Variants in ARHGAP35 observed in about 807,000 individuals in gnomAD.
The protein encoded by ARHGAP35 is rho GTPase-activating protein 35.
Under a neutral mutation model 111.1 loss-of-function variants are expected in ARHGAP35, and 15 were observed. The observed-to-expected ratio is 0.13, with a 90% CI of 0.09 to 0.21. The LOEUF (loss-of-function observed/expected upper bound fraction) is 0.21. ARHGAP35 is among the 10% of genes least tolerant of loss of function. The probability of loss-of-function intolerance (pLI) is 1.00; values close to 1 mark genes in which losing one functional copy is unlikely to be tolerated. For missense variants in ARHGAP35, 1,262 were observed against 1,873.0 expected (o/e 0.67, Z 6.02); for synonymous variants, 643 against 710.3 (o/e 0.91, Z 1.51).
chr19:46,965,383 T>A (rs2056508339), intron 3 of ARHGAP35, among the ~76,000 whole-genome samples: 1 of 152,272 alleles, frequency 6.6e-6, no homozygotes, highest in Non-Finnish European at 1.5e-5. Context: ...TATACCAAAA[T>A]CATGTTTCCT....
chr19:46,885,851 C>CG (rs2055990911), intron 1 of ARHGAP35, among the ~76,000 whole-genome samples: 1 of 152,080 alleles, frequency 6.6e-6, no homozygotes. Context: ...AGGCTGGACT[C>CG]GAATTCCCAG....
At chr19:46,874,484 C>G (rs1440463027) in intron 1 of ARHGAP35, among the ~76,000 whole-genome samples, 1 of 147,624 alleles carries the variant, frequency 6.8e-6, no homozygotes, top group African/African-American at 2.5e-5. Context: ...GATCCAAGCT[C>G]ATGTTTTATG....
intron 2 of ARHGAP35, among the ~76,000 whole-genome samples, chr19:46,933,481 T>G (rs1394499496): frequency 6.6e-6 from 1 of 152,046 alleles, no homozygotes; most frequent in African/African-American, 2.4e-5. Flanking sequence ...AGTCATCCAT[T>G]TATTTATTCT....
intron 1 of ARHGAP35, among the ~76,000 whole-genome samples, chr19:46,889,750 C>CAAAAAA (rs5828291): frequency 5.0e-4 from 43 of 85,226 alleles, no homozygotes; most frequent in African/African-American, 2.0e-3. Context: ...GACTCCGTCT[C>CAAAAAA]AAAAAAAAAA....
intron 1 of ARHGAP35, among the ~76,000 whole-genome samples, chr19:46,875,423 A>T (rs904633700): frequency 1.3e-5 from 2 of 152,130 alleles, no homozygotes; most frequent in African/African-American, 4.8e-5. Flanking sequence ...GAATAAAAGT[A>T]TGAGTTTCTG....
intron 2 of ARHGAP35, among the ~76,000 whole-genome samples, chr19:46,928,652 C>T (rs1197725194): frequency 2.6e-5 from 4 of 152,042 alleles, no homozygotes; most frequent in Admixed American, 2.6e-4. Flanking sequence ...ATGGTCTGCG[C>T]TGGGCGCGGT....
intron 3 of ARHGAP35, among the ~76,000 whole-genome samples, chr19:46,950,644 T>G (rs868340858): frequency 2.6e-5 from 4 of 152,246 alleles, no homozygotes; most frequent in Admixed American, 1.3e-4. Context: ...TCTGGCAGGG[T>G]GAGTGTGGGT....
chr19:47,003,209 C>G lies in ARHGAP35; in HGVS notation c.*2521C>G, dbSNP rs557455551. ...CAGGGAAGCGTGCAGCCCAAATGGG[C>G]ACTTGCATGGGAGCCACAGAGGAGC... On this transcript the variant is annotated 3_prime_UTR_variant, in exon 7 of 7. Coordinates refer to ENST00000672722, the MANE Select transcript of ARHGAP35 (RefSeq NM_004491.5). 1.2e-4 allele frequency: 19 copies of G among 152,398 alleles called. No individual in the cohort carries two copies. Among genetic ancestry groups the G allele is most frequent in the African/African-American group, 4.6e-4 (19 of 41,578 alleles). The allele number at this position is 152,398 out of a possible 1,614,324, so 9.4% of individuals were successfully genotyped here.
chr19:46,984,206 C>T (rs1242260504), intron 3 of ARHGAP35, among the ~76,000 whole-genome samples: 2 of 152,110 alleles, frequency 1.3e-5, no homozygotes, highest in Non-Finnish European at 2.9e-5. Flanking sequence ...AAGGTTGAGG[C>T]TTTCTCAGAT....
chr19:46,904,834 C>G (rs1388845087), intron 1 of ARHGAP35, among the ~76,000 whole-genome samples: 5 of 152,148 alleles, frequency 3.3e-5, no homozygotes, highest in Admixed American at 3.3e-4. Flanking sequence ...AGGATGAAGT[C>G]CAGACTGTCT....
intron 1 of ARHGAP35, among the ~76,000 whole-genome samples, chr19:46,910,105 C>T (rs896683349): frequency 4.1e-4 from 62 of 152,072 alleles, no homozygotes; most frequent in East Asian, 3.9e-4. Flanking sequence ...AATAACTCAA[C>T]GGGGTAAAAG....
At position 47,000,058 on chromosome 19, in the gene ARHGAP35, GAGT is replaced by G. The variant is rs2056737494; in HGVS notation, c.4143-272_4143-270del. Among the ~76,000 whole-genome samples, 2 of 152,174 alleles carry G rather than the reference GAGT, an allele frequency of 1.3e-5. No individual in the cohort carries two copies. Among genetic ancestry groups the G allele is most frequent in the African/African-American group, 4.8e-5 (2 of 41,438 alleles). ...CCACTGCTTTGGCTGGCTGCAGAGTGAGTCCCTGAGGTGGTCCATCCACCCCCA... is the reference window on the plus strand; with the variant it reads ...CCACTGCTTTGGCTGGCTGCAGAGTGCCCTGAGGTGGTCCATCCACCCCCA... On this transcript the variant is annotated intron_variant, in intron 6 of 6. Transcript: ENST00000672722. The surrounding 1 kb of genome is among the most constrained non-coding windows in gnomAD (Gnocchi z 6.9).
intron 1 of ARHGAP35, among the ~76,000 whole-genome samples, 120 bp downstream of exon 1, chr19:46,861,329 G>A (rs1477230224): frequency 6.6e-6 from 1 of 150,646 alleles, no homozygotes; most frequent in Non-Finnish European, 1.5e-5. Flanking sequence ...AGCTGGAGGG[G>A]GAGGGGAGGA....
chr19:46,924,255 G>C (rs940015907), intron 2 of ARHGAP35, among the ~76,000 whole-genome samples: 1 of 152,196 alleles, frequency 6.6e-6, no homozygotes, highest in African/African-American at 2.4e-5. Flanking sequence ...TGACAACTCT[G>C]TTGTAAAATG....
intron 1 of ARHGAP35, among the ~76,000 whole-genome samples, chr19:46,861,862 C>G (rs2055830414): frequency 2.6e-5 from 4 of 152,134 alleles, no homozygotes. Flanking sequence ...CGGCCAGGCA[C>G]TGCTGCCCCA....
Position 46,980,110 on chromosome 19 carries a change from C to T in ARHGAP35, c.3827-7879C>T, listed in dbSNP as rs752166143. ...ATAGAAGAGAAAATTGAGGGCCGGG[C>T]GCGGTGTCTCATGCCTGTAATCCCA... On this transcript the variant is annotated intron_variant, in intron 3 of 6. Transcript: ENST00000672722. Among the ~76,000 whole-genome samples the T allele has an allele frequency of 8.5e-5, 13 of 152,072 alleles. 1 individual carries two copies. The highest frequency in any genetic ancestry group is 1.6e-4 in the Non-Finnish European group (11 of 68,012).
chr19:46,867,820 C>T (rs2055866822), intron 1 of ARHGAP35, among the ~76,000 whole-genome samples: 1 of 151,786 alleles, frequency 6.6e-6, no homozygotes, highest in Non-Finnish European at 1.5e-5. Context: ...TGGCCATTTG[C>T]AGGCTTTAAA....
At position 46,999,644 on chromosome 19, in the gene ARHGAP35, A is replaced by T; in HGVS notation, c.4142+235A>T. On this transcript the variant is annotated intron_variant, in intron 6 of 6. Coordinates refer to ENST00000672722, the MANE Select transcript of ARHGAP35 (RefSeq NM_004491.5). This position sits in a 1 kb window ranked among gnomAD's most constrained non-coding sequence, Gnocchi z 5.4. ...TCTGAGGGCAGCCCACGTGGCCTCA[A>T]ACCTGCCTAACACCAGATAGGGCAC... 1 of 533,100 alleles carries T rather than the reference A, an allele frequency of 1.9e-6. No homozygotes were observed. Among genetic ancestry groups the T allele is most frequent in the Non-Finnish European group, 3.4e-6 (1 of 298,326 alleles). The allele number at this position is 533,100 out of a possible 1,614,324, so 33.0% of individuals were successfully genotyped here.
rs1333697568 is a variant in ARHGAP35 at position 46,918,523 on chromosome 19, G to A, written c.-153G>A. On this transcript the variant is annotated 5_prime_UTR_variant, in exon 2 of 7. Coordinates refer to ENST00000672722, the MANE Select transcript of ARHGAP35 (RefSeq NM_004491.5). This position sits in a 1 kb window ranked among gnomAD's most constrained non-coding sequence, Gnocchi z 5.4. ...TGGCTATTTGGCGATGAGAGGTGGT[G>A]AACAGTGACCATACTGGTATACAAC... Among the ~76,000 whole-genome samples the A allele has an allele frequency of 6.6e-6, 1 of 152,010 alleles. No individual in the cohort carries two copies. The highest frequency in any genetic ancestry group is 1.5e-5 in the Non-Finnish European group (1 of 68,000).
Sources: allele counts gnomAD v4.1 joint callset (sites outside exome capture counted in the v4.1 genomes callset), GRCh38; gene constraint gnomAD v4.1.1; non-coding constraint Gnocchi (gnomAD v3.1); transcripts MANE v1.5; gene names NCBI Gene and HGNC (gene_info 2026-07-23, HGNC 2026-07-21).